The following PTPRN2 variants were observed in gnomAD, a reference collection of about 807,000 sequenced individuals.
PTPRN2 encodes receptor-type tyrosine-protein phosphatase N2.
In PTPRN2, 74 loss-of-function variants were observed where a neutral mutation model predicts 118.8. The observed-to-expected ratio is 0.62, with a 90% CI of 0.52 to 0.76. The LOEUF (loss-of-function observed/expected upper bound fraction) is 0.76, where lower values mean the gene tolerates loss of function less well. Among genes scored for constraint, PTPRN2 ranks in the 30% least tolerant of loss-of-function variants. PTPRN2 has a pLI of 0.00. For synonymous variants in PTPRN2, 641 were observed against 608.0 expected (o/e 1.05, Z -0.80); for missense variants, 1,481 against 1,394.4 (o/e 1.06, Z -0.99).
intron 12 of PTPRN2, among the ~76,000 whole-genome samples, chr7:157,804,277 A>C (rs537188208): frequency 6.3e-4 from 96 of 152,348 alleles, no homozygotes; most frequent in Non-Finnish European, 1.2e-3. Context: ...TTAACCTCCT[A>C]CTTCATGAAA....
chr7:157,894,166 A>C (rs1796973391), intron 12 of PTPRN2, among the ~76,000 whole-genome samples: 1 of 152,206 alleles, frequency 6.6e-6, no homozygotes, highest in African/African-American at 2.4e-5. Context: ...GCACATCGAA[A>C]TCCCGCATGA....
At chr7:158,369,168 G>A (rs1194442409) in intron 2 of PTPRN2, among the ~76,000 whole-genome samples, 1 of 151,828 alleles carries the variant, frequency 6.6e-6, no homozygotes, top group Non-Finnish European at 1.5e-5. Flanking sequence ...CTTCAGCCTT[G>A]GGACCTGGAC....
intron 12 of PTPRN2, among the ~76,000 whole-genome samples, chr7:157,776,875 CCCTCTCCTCCTCCA>C: frequency 8.8e-5 from 11 of 124,620 alleles, no homozygotes; most frequent in African/African-American, 3.4e-4. Context: ...TCCTCCTCCT[CCCTCTCCTCCTCCA>C]TCTCCTCCTC....
intron 22 of PTPRN2, among the ~76,000 whole-genome samples, chr7:157,545,486 G>A (rs1798268476): frequency 6.6e-6 from 1 of 151,652 alleles, no homozygotes; most frequent in South Asian, 2.1e-4. Context: ...GTGTGGGTGT[G>A]CGCAGTGTGC....
intron 12 of PTPRN2, among the ~76,000 whole-genome samples, chr7:157,799,392 T>G (rs752336260): frequency 6.6e-6 from 1 of 152,148 alleles, no homozygotes; most frequent in Non-Finnish European, 1.5e-5. Flanking sequence ...GCTGAACGTG[T>G]GTTCCTCTAG....
chr7:158,340,928 A>C (rs62493622), intron 2 of PTPRN2, among the ~76,000 whole-genome samples: 59,489 of 67,292 alleles, frequency 0.88, 28,381 homozygotes, highest in Non-Finnish European at 0.92. Context: ...ACACACGTCA[A>C]TCACACTCAC....
intron 1 of PTPRN2, among the ~76,000 whole-genome samples, chr7:158,559,110 C>G (rs1399715464): frequency 6.6e-6 from 1 of 152,202 alleles, no homozygotes; most frequent in Non-Finnish European, 1.5e-5. Context: ...CCCGGAGCCC[C>G]CAGCAGGAAT....
At chr7:158,174,909 G>A (rs1824047140) in intron 5 of PTPRN2, among the ~76,000 whole-genome samples, 1 of 152,140 alleles carries the variant, frequency 6.6e-6, no homozygotes. Context: ...GGGGCCGGGA[G>A]TACCAGAGCT....
At chr7:158,298,677 G>C (rs1177984720) in intron 3 of PTPRN2, among the ~76,000 whole-genome samples, 1 of 152,162 alleles carries the variant, frequency 6.6e-6, no homozygotes, top group African/African-American at 2.4e-5. Context: ...ATTGGAGGAG[G>C]GCGCAAGGGC....
chr7:158,115,335 G>A (rs1437425198), intron 9 of PTPRN2, among the ~76,000 whole-genome samples: 3 of 152,132 alleles, frequency 2.0e-5, no homozygotes, highest in Admixed American at 6.5e-5. Context: ...TGACTGAAGT[G>A]GACATGGTCA....
chr7:158,340,556 C>G lies in PTPRN2; in HGVS notation c.164-23624G>C, dbSNP rs1338390803. Among the ~76,000 whole-genome samples, 1,257 of 126,190 alleles carry G rather than the reference C, an allele frequency of 1.0e-2. 48 individuals carry two copies. The highest frequency in any genetic ancestry group is 0.035 in the African/African-American group (1,188 of 33,880). The allele number at this position is 126,190 out of a possible 152,430, so 82.8% of individuals were successfully genotyped here. A position where few individuals can be genotyped will look rare whatever the true frequency, so the allele number is the denominator to read the frequency against. On this transcript the variant is annotated intron_variant, in intron 2 of 22. Coordinates refer to ENST00000389418, the MANE Select transcript of PTPRN2 (RefSeq NM_002847.5). ...AGAGCTGTCGCCCGCAGAGGTCACT[C>G]ACACCCACAATCTCACCATAAGAGC... is the stretch of plus-strand genomic sequence containing the variant.
At chr7:158,310,066 A>T (rs1163495670) in intron 3 of PTPRN2, among the ~76,000 whole-genome samples, 2 of 152,196 alleles carry the variant, frequency 1.3e-5, no homozygotes, top group African/African-American at 4.8e-5. Flanking sequence ...GAGCTCTGAG[A>T]AATCAATGTT....
intron 4 of PTPRN2, among the ~76,000 whole-genome samples, chr7:158,193,272 G>A (rs1417686942): frequency 2.0e-5 from 3 of 152,206 alleles, no homozygotes; most frequent in Non-Finnish European, 4.4e-5. Flanking sequence ...GGACAGCTGC[G>A]TGCTGAAGGC....
chr7:158,401,443 G>A (rs1030094849), intron 2 of PTPRN2, among the ~76,000 whole-genome samples: 12 of 151,880 alleles, frequency 7.9e-5, no homozygotes, highest in Admixed American at 5.9e-4. Flanking sequence ...GCACAGAAGC[G>A]AAGCTGCCAC....
At chr7:158,340,832 C>CA (rs1806603697) in intron 2 of PTPRN2, among the ~76,000 whole-genome samples, 1 of 65,446 alleles carries the variant, frequency 1.5e-5, no homozygotes, top group African/African-American at 4.9e-5. Context: ...CACACCCACA[C>CA]TCTCACCATA....
At chr7:157,829,756 A>AGGTC (rs1029866626) in intron 12 of PTPRN2, among the ~76,000 whole-genome samples, 17 of 152,208 alleles carry the variant, frequency 1.1e-4, no homozygotes, top group African/African-American at 4.1e-4. Context: ...GCCGCATTGA[A>AGGTC]GGTCGCTCCA....
intron 6 of PTPRN2, among the ~76,000 whole-genome samples, chr7:158,163,089 G>C (rs1431305105): frequency 1.3e-5 from 2 of 152,228 alleles, no homozygotes; most frequent in Non-Finnish European, 2.9e-5. Context: ...ATTTGCTTTA[G>C]AATCATCCCA....
intron 12 of PTPRN2, among the ~76,000 whole-genome samples, chr7:157,753,099 C>T (rs1801577462): frequency 6.6e-6 from 1 of 152,242 alleles, no homozygotes; most frequent in South Asian, 2.1e-4. Context: ...CTCTCCAGGC[C>T]TGCGTGCAGG....
At chr7:157,541,847 C>G (rs903520440) in intron 22 of PTPRN2, among the ~76,000 whole-genome samples, 1 of 152,210 alleles carries the variant, frequency 6.6e-6, no homozygotes. Context: ...GTCAAAATAA[C>G]GTGATGCTCA....
Sources: gnomAD v4.1 joint callset for allele counts (sites outside exome capture counted in the v4.1 genomes callset) on GRCh38, gnomAD v4.1.1 for gene constraint, MANE v1.5 for transcripts, NCBI Gene and HGNC (gene_info 2026-07-23, HGNC 2026-07-21) for gene names.